Variants in AKAP1 observed in about 807,000 individuals in gnomAD.
The protein encoded by AKAP1 is A-kinase anchor protein 1, mitochondrial.
A neutral mutation model predicts 79.8 loss-of-function variants in AKAP1; 32 were observed. The ratio of observed to expected loss-of-function variants is 0.40; its 90% CI spans 0.30 to 0.54. The LOEUF (loss-of-function observed/expected upper bound fraction) is 0.54. Among genes scored for constraint, AKAP1 ranks in the 20% least tolerant of loss-of-function variants. AKAP1 has a pLI of 0.47. For synonymous variants in AKAP1, 416 were observed against 466.7 expected, an observed-to-expected ratio of 0.89 and a Z score of 1.40; for missense variants, 961 against 1,138.9, an observed-to-expected ratio of 0.84 and a Z score of 2.25.
intron 1 of AKAP1, among the ~76,000 whole-genome samples, chr17:57,099,638 G>A (rs777746704): frequency 9.9e-5 from 15 of 152,202 alleles, no homozygotes; most frequent in Non-Finnish European, 1.8e-4. Flanking sequence ...GGTGACTCTA[G>A]AGGTGGTGGT....
rs1248027329 is a variant in AKAP1 at position 57,105,681 on chromosome 17, A to C, written c.217A>C (p.Ser73Arg). The C allele has an allele frequency of 6.2e-7, 1 of 1,614,010 alleles. No homozygotes were observed. Among genetic ancestry groups the C allele is most frequent in the East Asian group, 2.2e-5 (1 of 44,890 alleles). ...VCPKVVSTPP[S>R]VTEPPEKELS... ...TCCCAAAGTAGTGTCCACACCCCCC[A>C]GTGTCACAGAGCCTCCAGAAAAGGA... The change falls in exon 2 of 11, where the codon AGT (serine) becomes CGT (arginine). Residue 73 changes from serine (S) to arginine (R), a missense_variant. Ser to Arg is a moderately radical substitution (Grantham distance 110). Transcript: ENST00000337714.
At position 57,109,792 on chromosome 17, in the gene AKAP1, A is replaced by T. The variant is rs548650066; in HGVS notation, c.1715-233A>T. ...TGTGGCTGGGTGCGGCTGCCAATTA[A>T]GCAAGTGGGACTGTAAGTGACAGGC... On this transcript the variant is annotated intron_variant, in intron 2 of 10. Transcript: ENST00000337714. 9.8e-4 allele frequency among the ~76,000 whole-genome samples: 149 copies of T among 152,326 alleles called. 2 individuals carry two copies. The highest frequency in any genetic ancestry group is 1.6e-4 in the Non-Finnish European group (11 of 68,026).
Position 57,105,897 on chromosome 17 carries a change from C to G in AKAP1, c.433C>G (p.Leu145Val). 1.9e-6 allele frequency: 3 copies of G among 1,614,226 alleles called. No individual in the cohort carries two copies. The highest frequency in any genetic ancestry group is 2.5e-6 in the Non-Finnish European group (3 of 1,180,044). ...AGGTGGTGAAGCCAAATCGATTCCTCTAGAGTGCCCCCTTTCATCCCCAAA... is the reference window on the plus strand; with the variant it reads ...AGGTGGTGAAGCCAAATCGATTCCTGTAGAGTGCCCCCTTTCATCCCCAAA... ...LTGGEAKSIP[L>V]ECPLSSPKGV... The change falls in exon 2 of 11, where the codon CTA (leucine) becomes GTA (valine). Residue 145 changes from leucine (L) to valine (V), a missense_variant. Physicochemically the swap from Leu to Val is conservative, Grantham distance 32. This residue lies in a region of AKAP1 where 224 missense variants were observed against 210.2 expected (regional missense o/e 1.07). Coordinates refer to ENST00000337714, the MANE Select transcript of AKAP1 (RefSeq NM_003488.4).
chr17:57,085,263 T>G lies in AKAP1; in HGVS notation c.-160T>G, dbSNP rs1345781560. 1.3e-5 allele frequency: 2 copies of G among 150,530 alleles called. No individual in the cohort carries two copies. The highest frequency in any genetic ancestry group is 4.9e-5 in the African/African-American group (2 of 41,084). 9.3% of individuals were successfully genotyped at this position (150,530 alleles called of 1,614,324 possible). ...GCGTCTTCAGTATTTAATGTCTCTG[T>G]GTTCCACCCGCCTGGGCTAGCACGT... On this transcript the variant is annotated 5_prime_UTR_variant, in exon 1 of 11. Transcript: ENST00000337714.
At chr17:57,113,390 T>TG (rs1915371141) in intron 5 of AKAP1, among the ~76,000 whole-genome samples, 1 of 150,556 alleles carries the variant, frequency 6.6e-6, no homozygotes, top group African/African-American at 2.5e-5. Context: ...TCCTCCTTCG[T>TG]GTTTTTTTTT....
At chr17:57,094,153 T>G (rs1276199859) in intron 1 of AKAP1, 1 of 152,152 alleles carries the variant, frequency 6.6e-6, no homozygotes, top group Admixed American at 6.5e-5. Context: ...GGAATGCCTG[T>G]CATTGGGGGA....
intron 5 of AKAP1, 130 bp downstream of exon 5, chr17:57,112,748 C>T: frequency 1.5e-6 from 2 of 1,326,976 alleles, no homozygotes; most frequent in Non-Finnish European, 1.0e-6. Flanking sequence ...TCTTCTCTGG[C>T]CTCTGCTGGT....
At chr17:57,100,454 C>CACACACACAA (rs1555620027) in intron 1 of AKAP1, among the ~76,000 whole-genome samples, 2 of 151,706 alleles carry the variant, frequency 1.3e-5, no homozygotes, top group African/African-American at 4.8e-5. Flanking sequence ...CACGCACACA[C>CACACACACAA]ACACACACAA....
rs758843405 is a variant in AKAP1 at position 57,116,248 on chromosome 17, C to G, written c.2419C>G (p.Leu807Val). 2 of 1,614,144 alleles carry G rather than the reference C, an allele frequency of 1.2e-6. No homozygotes were observed. The highest frequency in any genetic ancestry group is 2.2e-5 in the South Asian group (2 of 91,086). ...GGYKRVKVDV[L>V]RQIRSDFVTL... ...ATATAAGAGGGTGAAAGTAGACGTGCTCCGGCAAATCAGGTGAGCGGAGAT... is the reference window on the plus strand; with the variant it reads ...ATATAAGAGGGTGAAAGTAGACGTGGTCCGGCAAATCAGGTGAGCGGAGAT... Residue 807 changes from leucine (L) to valine (V), a missense_variant, in exon 7 of 11, where the codon CTC becomes GTC. Physicochemically the swap from Leu to Val is conservative, Grantham distance 32 (BLOSUM62 1). Transcript: ENST00000337714.
intron 9 of AKAP1, 122 bp from the exon 10 acceptor site, chr17:57,118,860 C>T: frequency 9.3e-7 from 1 of 1,071,876 alleles, no homozygotes; most frequent in Admixed American, 1.8e-5. Context: ...CCTCATGATC[C>T]AATCACCTCC....
In AKAP1 at chr17:57,116,220, C is replaced by T. The variant is rs201820168; in HGVS notation, c.2391C>T (p.Gly797=). 17 of 1,614,016 alleles carry T rather than the reference C, an allele frequency of 1.1e-5. No individual in the cohort carries two copies. Among genetic ancestry groups the T allele is most frequent in the Middle Eastern group, 1.6e-4 (1 of 6,084 alleles). ...NEVEIRYVDY[G]GYKRVKVDVL... is the part of the protein sequence containing the mutation. ...TGGAGATTCGATACGTGGACTACGG[C>T]GGATATAAGAGGGTGAAAGTAGACG... is the stretch of plus-strand genomic sequence containing the variant. Residue 797 remains glycine (G), a synonymous_variant, in exon 7 of 11, where the codon GGC becomes GGT. Transcript: ENST00000337714.
Position 57,120,411 on chromosome 17 carries a change from A to G in AKAP1, c.*87A>G. 2 of 1,183,806 alleles carry G rather than the reference A, an allele frequency of 1.7e-6. No individual in the cohort carries two copies. Among genetic ancestry groups the G allele is most frequent in the Non-Finnish European group, 2.5e-6 (2 of 815,744 alleles). 73.3% of individuals were successfully genotyped at this position (1,183,806 alleles called of 1,614,324 possible). A position where few individuals can be genotyped will look rare whatever the true frequency, so the allele number is the denominator to read the frequency against. On this transcript the variant is annotated 3_prime_UTR_variant, in exon 11 of 11. Coordinates refer to ENST00000337714, the MANE Select transcript of AKAP1 (RefSeq NM_003488.4). ...TCAAAGATGAACATCGGAATAACAA[A>G]CATTGTCCTCTCCAGAAAGTCCTTT...
rs80261002 is a variant in AKAP1, at chr17:57,114,413, G to C, written c.2104-46G>C. On this transcript the variant is annotated intron_variant, in intron 5 of 10. Coordinates refer to ENST00000337714, the MANE Select transcript of AKAP1 (RefSeq NM_003488.4). ...GGTCTCGGGACTTATTCAAAGATGA[G>C]ATAAGAAGGATTGTTTCAGTGACCG... The C allele has an allele frequency of 2.3e-3, 3,741 of 1,600,900 alleles. 70 individuals carry two copies. The African/African-American group carries it at 0.045, about 19-fold the overall frequency.
chr17:57,102,090 G>T (rs1429982447), intron 1 of AKAP1, among the ~76,000 whole-genome samples: 1 of 151,966 alleles, frequency 6.6e-6, no homozygotes, highest in East Asian at 1.9e-4. Context: ...GAGGTACGTG[G>T]GTTAAAAACA....
chr17:57,097,226 A>C (rs182105015), intron 1 of AKAP1, among the ~76,000 whole-genome samples: 14 of 145,256 alleles, frequency 9.6e-5, no homozygotes, highest in African/African-American at 3.7e-4. Flanking sequence ...AGCCTAAGGA[A>C]ATCCTGGCCC....
chr17:57,094,182 C>G (rs567954962), intron 1 of AKAP1: 8 of 152,368 alleles, frequency 5.3e-5, no homozygotes, highest in Non-Finnish European at 8.8e-5. Context: ...CTCACTGTGG[C>G]TCCACATACC....
intron 1 of AKAP1, among the ~76,000 whole-genome samples, chr17:57,103,477 A>G (rs1256271089): frequency 6.6e-6 from 1 of 152,238 alleles, no homozygotes. Context: ...CACTTTCAGA[A>G]GCAGAGTCCT....
chr17:57,107,140 A>G lies in AKAP1; in HGVS notation c.1676A>G (p.Asp559Gly), dbSNP rs763236733. 13 of 1,613,326 alleles carry G rather than the reference A, an allele frequency of 8.1e-6. No individual in the cohort carries two copies. The highest frequency in any genetic ancestry group is 1.1e-5 in the Non-Finnish European group (13 of 1,179,442). Residue 559 changes from aspartate (D) to glycine (G), a missense_variant, in exon 2 of 11, where the codon GAT (aspartate) becomes GGT (glycine). Coordinates refer to ENST00000337714, the MANE Select transcript of AKAP1 (RefSeq NM_003488.4). ...KGELSDLGAE[D>G]GWTMDAEADH... Reference sequence around the variant, plus strand: ...GAGTTGTCAGACTTGGGGGCTGAGGATGGATGGACCATGGATGCGGAAGCA... The same window carrying G: ...GAGTTGTCAGACTTGGGGGCTGAGGGTGGATGGACCATGGATGCGGAAGCA...
At chr17:57,118,745 G>A (rs1915741369) in intron 9 of AKAP1, among the ~76,000 whole-genome samples, 2 of 152,150 alleles carry the variant, frequency 1.3e-5, no homozygotes, top group Non-Finnish European at 2.9e-5. Flanking sequence ...CGTCTTACAT[G>A]ATGGGCAGGC....
Sources: allele counts gnomAD v4.1 joint callset (sites outside exome capture counted in the v4.1 genomes callset), GRCh38; gene constraint gnomAD v4.1.1; regional missense constraint gnomAD v4.1.1; transcripts MANE v1.5; gene names NCBI Gene and HGNC (gene_info 2026-07-23, HGNC 2026-07-21).